ERN1: variants seen among roughly 807,000 people sequenced by gnomAD.
ERN1 encodes endoplasmic reticulum to nucleus signaling 1, also known as serine/threonine-protein kinase/endoribonuclease IRE1.
Under a neutral mutation model 113.1 loss-of-function variants are expected in ERN1, and 39 were observed. The observed-to-expected ratio is 0.34, with a 90% CI of 0.27 to 0.45. The LOEUF (loss-of-function observed/expected upper bound fraction) is 0.45. Ranked by LOEUF, ERN1 falls within the 20% of genes least tolerant of loss-of-function variation. The probability of loss-of-function intolerance (pLI) is 1.00; values close to 1 mark genes in which losing one functional copy is unlikely to be tolerated. For synonymous variants in ERN1, 507 were observed against 515.9 expected, an observed-to-expected ratio of 0.98 and a Z score of 0.23; for missense variants, 976 against 1,274.8, an observed-to-expected ratio of 0.77 and a Z score of 3.57.
At chr17:64,075,590 C>T (rs926499501) in intron 4 of ERN1, among the ~76,000 whole-genome samples, 12 of 152,284 alleles carry the variant, frequency 7.9e-5, no homozygotes, top group South Asian at 4.1e-4. Flanking sequence ...GTTGCCACTA[C>T]ACCCAGCTAA....
chr17:64,097,998 T>C (rs766927918), intron 2 of ERN1, 123 bp downstream of exon 2: 3 of 1,280,314 alleles, frequency 2.3e-6, no homozygotes, highest in Non-Finnish European at 3.2e-6. Context: ...CTTGATCCCA[T>C]TCTTCTTTAT....
At chr17:64,048,928 G>A in intron 18 of ERN1, 127 bp downstream of exon 18, 1 of 954,380 alleles carries the variant, frequency 1.0e-6, no homozygotes, top group Non-Finnish European at 1.5e-6. Flanking sequence ...GAGGTCCTGA[G>A]GCCTGCGGGG....
At chr17:64,125,923 G>C (rs1216521604) in intron 1 of ERN1, among the ~76,000 whole-genome samples, 1 of 152,184 alleles carries the variant, frequency 6.6e-6, no homozygotes, top group Non-Finnish European at 1.5e-5. Context: ...AACAAAAATA[G>C]ATAACATCGT....
At chr17:64,110,607 G>GC (rs1452584311) in intron 1 of ERN1, among the ~76,000 whole-genome samples, 1 of 152,116 alleles carries the variant, frequency 6.6e-6, no homozygotes, top group African/African-American at 2.4e-5. Flanking sequence ...GAACTGTAAG[G>GC]CCCATTTTAA....
chr17:64,103,060 TC>T, intron 1 of ERN1: 1 of 579,860 alleles, frequency 1.7e-6, no homozygotes, highest in Non-Finnish European at 2.2e-6. Flanking sequence ...TCAGACTCTG[TC>T]CAGCATGTGT....
intron 2 of ERN1, among the ~76,000 whole-genome samples, chr17:64,083,219 T>C (rs144017087): frequency 1.6e-3 from 239 of 152,304 alleles, no homozygotes; most frequent in African/African-American, 5.7e-3. Context: ...GTTATTTTAC[T>C]ACTCTCTGTA....
intron 11 of ERN1, among the ~76,000 whole-genome samples, chr17:64,058,373 T>C (rs564389596): frequency 1.1e-4 from 17 of 152,254 alleles, no homozygotes; most frequent in Non-Finnish European, 1.3e-4. Context: ...TGGTGAAAAA[T>C]TGGTATTTGA....
intron 2 of ERN1, among the ~76,000 whole-genome samples, chr17:64,095,798 A>G (rs898124634): frequency 1.3e-5 from 2 of 152,188 alleles, no homozygotes; most frequent in Admixed American, 6.5e-5. Context: ...AGCTCCTGCT[A>G]AACGGGATAA....
rs778193089 is a variant in ERN1 at position 64,129,927 on chromosome 17, A to C, written c.54+49T>G. The stretch of plus-strand genomic sequence containing the variant: ...GCGCCGCGACGCTGCCCCGGCCCCG[A>C]CCCGGCCGTCGCGAGCTGTCCTCCA... On this transcript the variant is annotated intron_variant, in intron 1 of 21. Coordinates refer to ENST00000433197, the MANE Select transcript of ERN1 (RefSeq NM_001433.5). 1.8e-5 allele frequency: 25 copies of C among 1,376,238 alleles called. No individual in the cohort carries two copies. In the Middle Eastern group the frequency reaches 7.9e-4, roughly 43 times the overall value. The allele number at this position is 1,376,238 out of a possible 1,614,324, so 85.3% of individuals were successfully genotyped here.
chr17:64,091,595 C>T (rs183826393), intron 2 of ERN1, among the ~76,000 whole-genome samples: 3 of 152,248 alleles, frequency 2.0e-5, no homozygotes, highest in Non-Finnish European at 2.9e-5. Context: ...GCTTGAGAAG[C>T]CAGGGAGGTA....
Position 64,063,724 on chromosome 17 carries a change from C to T in ERN1, c.1087+262G>A, listed in dbSNP as rs1486866806. Among the ~76,000 whole-genome samples the T allele has an allele frequency of 2.0e-5, 3 of 152,172 alleles. No individual in the cohort carries two copies. Among genetic ancestry groups the T allele is most frequent in the East Asian group, 3.8e-4 (2 of 5,198 alleles). On this transcript the variant is annotated intron_variant, in intron 10 of 21. Coordinates refer to ENST00000433197, the MANE Select transcript of ERN1 (RefSeq NM_001433.5). This position sits in a 1 kb window ranked among gnomAD's most constrained non-coding sequence, Gnocchi z 5.1. ...AAATGCATTCTAAAGGGCTTAATGT[C>T]GGATACTCACACAAGGTTTACATTA...
chr17:64,075,080 G>A (rs577134827), intron 5 of ERN1, 95 bp downstream of exon 5: 11 of 1,016,722 alleles, frequency 1.1e-5, no homozygotes, highest in Non-Finnish European at 1.7e-5. Context: ...GGGTTGGCAA[G>A]GCGGTGACTG....
intron 2 of ERN1, among the ~76,000 whole-genome samples, chr17:64,086,210 A>G (rs1488391759): frequency 1.3e-5 from 2 of 152,178 alleles, no homozygotes; most frequent in African/African-American, 4.8e-5. Flanking sequence ...ATCTTGAAAA[A>G]CACACACCCA....
intron 17 of ERN1, among the ~76,000 whole-genome samples, chr17:64,050,800 A>ATGG (rs1912658373): frequency 6.6e-6 from 1 of 152,206 alleles, no homozygotes; most frequent in Non-Finnish European, 1.5e-5. Context: ...ATTAAGTGTT[A>ATGG]CGGCGTGCGT....
intron 3 of ERN1, among the ~76,000 whole-genome samples, chr17:64,080,104 C>A (rs1316692807): frequency 6.6e-6 from 1 of 152,166 alleles, no homozygotes; most frequent in African/African-American, 2.4e-5. Context: ...GAACTCCAGC[C>A]ATTAATATTT....
At chr17:64,126,870 T>G (rs900568779) in intron 1 of ERN1, among the ~76,000 whole-genome samples, 1 of 151,820 alleles carries the variant, frequency 6.6e-6, no homozygotes, top group African/African-American at 2.4e-5. Context: ...AAAACCTCCC[T>G]CTAAAACCAA....
intron 1 of ERN1, among the ~76,000 whole-genome samples, chr17:64,113,000 G>C (rs1053481351): frequency 6.6e-6 from 1 of 152,208 alleles, no homozygotes; most frequent in Non-Finnish European, 1.5e-5. Context: ...ATGGATATCA[G>C]AAGATCGGGC....
chr17:64,067,054 G>T (rs1913252380), intron 7 of ERN1, 122 bp from the exon 8 acceptor site: 3 of 1,036,972 alleles, frequency 2.9e-6, no homozygotes, highest in African/African-American at 3.2e-5. Context: ...AATATTCTCA[G>T]ATCTCCTCTG....
intron 2 of ERN1, among the ~76,000 whole-genome samples, chr17:64,097,421 C>T (rs1478237888): frequency 1.3e-5 from 2 of 152,168 alleles, no homozygotes; most frequent in African/African-American, 2.4e-5. Flanking sequence ...ACCCGAACCT[C>T]GGGCCAAATG....
Sources: gnomAD v4.1 joint callset for allele counts (sites outside exome capture counted in the v4.1 genomes callset) on GRCh38, gnomAD v4.1.1 for gene constraint, Gnocchi (gnomAD v3.1) non-coding constraint, MANE v1.5 for transcripts, NCBI Gene and HGNC (gene_info 2026-07-23, HGNC 2026-07-21) for gene names.